The following GATA6 variants were observed in gnomAD, a reference collection of about 807,000 sequenced individuals.
The protein encoded by GATA6 is transcription factor GATA-6.
GATA6 carries 11 observed loss-of-function variants against 48.1 expected under a neutral mutation model. The observed-to-expected ratio is 0.23, with a 90% CI of 0.14 to 0.38. The LOEUF is 0.38. Among genes scored for constraint, GATA6 ranks in the 10% least tolerant of loss-of-function variants. The pLI, the probability that GATA6 is intolerant of heterozygous loss-of-function variation, is 1.00. For synonymous variants in GATA6, 419 were observed against 396.1 expected, an observed-to-expected ratio of 1.06 and a Z score of -0.69; for missense variants, 795 against 850.3, an observed-to-expected ratio of 0.93 and a Z score of 0.81.
At position 22,171,200 on chromosome 18, in the gene GATA6, C is replaced by A. The variant is rs758867858; in HGVS notation, c.56C>A (p.Ala19Glu). The change falls in exon 2 of 7, where the codon GCG becomes GAG. Residue 19 changes from alanine (A) to glutamate (E), a missense_variant. By Grantham distance (107) the Ala-to-Glu change is moderately radical. This residue lies in a region of GATA6 where 591 missense variants were observed against 570.0 expected (regional missense o/e 1.04). Transcript: ENST00000269216. The surrounding 1 kb of genome is among the most constrained non-coding windows in gnomAD (Gnocchi z 7.1). ...CLPKRFGAAG[A>E]DASDSRAFPA... is the part of the protein sequence containing the mutation. ...CCGAAGCGCTTCGGGGCCGCGGGTGCGGACGCCAGCGACTCCAGAGCCTTT... is the reference window on the plus strand; with the variant it reads ...CCGAAGCGCTTCGGGGCCGCGGGTGAGGACGCCAGCGACTCCAGAGCCTTT... 9.4e-6 allele frequency: 15 copies of A among 1,599,426 alleles called. No homozygotes were observed. In the Admixed American group the frequency reaches 1.8e-4, roughly 20 times the overall value.
In GATA6 at chr18:22,176,254, G is replaced by A. The variant is rs1393490309; in HGVS notation, c.1136-701G>A. ...AAGCAGTTGGACCCACTTCTAAATC[G>A]GGATTTTAGCATTTGATCTTTGTGG... On this transcript the variant is annotated intron_variant, in intron 2 of 6. Coordinates refer to ENST00000269216, the MANE Select transcript of GATA6 (RefSeq NM_005257.6). Among the ~76,000 whole-genome samples, 3 of 152,050 alleles carry A rather than the reference G, an allele frequency of 2.0e-5. No homozygotes were observed. In the East Asian group the frequency reaches 5.8e-4, roughly 29 times the overall value.
chr18:22,175,950 A>C, intron 2 of GATA6, among the ~76,000 whole-genome samples: 1 of 152,218 alleles, frequency 6.6e-6, no homozygotes. Context: ...GTCTATACTT[A>C]CAATAAGTAC....
intron 6 of GATA6, among the ~76,000 whole-genome samples, chr18:22,189,830 T>C (rs1344785725): frequency 6.6e-6 from 1 of 152,198 alleles, no homozygotes; most frequent in African/African-American, 2.4e-5. Context: ...AGGAAATTAG[T>C]TTCTATCAGG....
intron 2 of GATA6, chr18:22,176,393 A>C (rs2033122244): frequency 6.6e-6 from 1 of 152,254 alleles, no homozygotes; most frequent in African/African-American, 2.4e-5. Flanking sequence ...TAGTACTTTT[A>C]ATTTCACTTG....
chr18:22,177,639 A>G (rs1289486136), intron 3 of GATA6, among the ~76,000 whole-genome samples: 2 of 152,114 alleles, frequency 1.3e-5, no homozygotes, highest in Non-Finnish European at 2.9e-5. Flanking sequence ...TTGAAAAACC[A>G]TGCTCACTTA....
chr18:22,191,010 C>CA (rs1361786230), intron 6 of GATA6, among the ~76,000 whole-genome samples: 1 of 115,022 alleles, frequency 8.7e-6, no homozygotes, highest in Non-Finnish European at 1.9e-5. Context: ...TCTAGACTTC[C>CA]TTTTTTTTTT....
chr18:22,197,809 C>G (rs914110591), intron 6 of GATA6, among the ~76,000 whole-genome samples: 2 of 152,200 alleles, frequency 1.3e-5, no homozygotes, highest in Non-Finnish European at 2.9e-5. Context: ...TCTCATACTC[C>G]TGTGTGGGCT....
chr18:22,174,491 A>C (rs750381845), intron 2 of GATA6, among the ~76,000 whole-genome samples: 1 of 152,078 alleles, frequency 6.6e-6, no homozygotes, highest in African/African-American at 2.4e-5. Flanking sequence ...CAGTTAGAGG[A>C]ATTTTCTGTA....
In GATA6 at chr18:22,177,094, G is replaced by A. The variant is rs769687205; in HGVS notation, c.1275G>A (p.Arg425=). ...ACAGCAAGATGAACGGCCTCAGCCG[G>A]CCCCTCATCAAGCCGCAGAAGCGCG... is the stretch of plus-strand genomic sequence containing the variant. ...GLYSKMNGLS[R]PLIKPQKRVP... is the part of the protein sequence containing the mutation. The change falls in exon 3 of 7, where the codon CGG becomes CGA. Residue 425 remains arginine, a synonymous_variant. Transcript: ENST00000269216. 8.4e-6 allele frequency: 13 copies of A among 1,555,230 alleles called. No individual in the cohort carries two copies. In the South Asian group the frequency reaches 1.2e-4, roughly 14 times the overall value.
In GATA6 at chr18:22,171,201, G is replaced by A. The variant is rs764489452; in HGVS notation, c.57G>A (p.Ala19=). 3 of 1,599,794 alleles carry A rather than the reference G, an allele frequency of 1.9e-6. No individual in the cohort carries two copies. Among genetic ancestry groups the A allele is most frequent in the Non-Finnish European group, 2.5e-6 (3 of 1,179,510 alleles). ...CLPKRFGAAG[A]DASDSRAFPA... is the part of the protein sequence containing the mutation. Reference sequence around the variant, plus strand: ...CGAAGCGCTTCGGGGCCGCGGGTGCGGACGCCAGCGACTCCAGAGCCTTTC... The same window carrying A: ...CGAAGCGCTTCGGGGCCGCGGGTGCAGACGCCAGCGACTCCAGAGCCTTTC... The change falls in exon 2 of 7, where the codon GCG becomes GCA. Residue 19 remains alanine (A), a synonymous_variant. Coordinates refer to ENST00000269216, the MANE Select transcript of GATA6 (RefSeq NM_005257.6). The surrounding 1 kb of genome is among the most constrained non-coding windows in gnomAD (Gnocchi z 7.1).
chr18:22,192,109 C>T (rs768226163), intron 6 of GATA6, among the ~76,000 whole-genome samples: 5 of 152,208 alleles, frequency 3.3e-5, no homozygotes, highest in African/African-American at 7.2e-5. Flanking sequence ...TGGGGGTTCA[C>T]GGATTAGCAG....
rs1291672448 is a variant in GATA6, at chr18:22,170,880, C to T, written c.-37-228C>T. ...GGTGCCTTTGAGGGAGGGCTGGTAT[C>T]CCAGCCCTTCCAGGGCCCTGTGGCG... On this transcript the variant is annotated intron_variant, in intron 1 of 6. Coordinates refer to ENST00000269216, the MANE Select transcript of GATA6 (RefSeq NM_005257.6). The surrounding 1 kb of genome is among the most constrained non-coding windows in gnomAD (Gnocchi z 6.7). The T allele has an allele frequency of 9.0e-6, 5 of 553,052 alleles. No individual in the cohort carries two copies. The highest frequency in any genetic ancestry group is 4.5e-5 in the South Asian group (2 of 44,714). The allele number at this position is 553,052 out of a possible 1,614,324, so 34.3% of individuals were successfully genotyped here.
chr18:22,178,398 C>T (rs2033153526), intron 3 of GATA6, among the ~76,000 whole-genome samples: 1 of 152,206 alleles, frequency 6.6e-6, no homozygotes, highest in African/African-American at 2.4e-5. Context: ...ACCAGTCCCA[C>T]TCTAAGGTTA....
At chr18:22,184,504 T>TG (rs2033238634) in intron 6 of GATA6, among the ~76,000 whole-genome samples, 1 of 151,190 alleles carries the variant, frequency 6.6e-6, no homozygotes, top group East Asian at 1.9e-4. Context: ...TAATAATTAT[T>TG]TTTTTTTTGA....
chr18:22,189,519 C>T (rs2033303014), intron 6 of GATA6, among the ~76,000 whole-genome samples: 1 of 151,960 alleles, frequency 6.6e-6, no homozygotes, highest in African/African-American at 2.4e-5. Flanking sequence ...TGGTTGGTCA[C>T]AAAATTATAG....
At position 22,200,825 on chromosome 18, in the gene GATA6, C is replaced by T. The variant is rs776725091; in HGVS notation, c.*2C>T. The T allele has an allele frequency of 1.4e-5, 22 of 1,606,552 alleles. No homozygotes were observed. Among genetic ancestry groups the T allele is most frequent in the Admixed American group, 8.4e-5 (5 of 59,628 alleles). On this transcript the variant is annotated 3_prime_UTR_variant, in exon 7 of 7. Transcript: ENST00000269216. ...TGGTGCGCCCTGGCCCTGGCCTGAGCCCACGCCGCCAGGAGGCAGGGAGGG... is the reference window on the plus strand; with the variant it reads ...TGGTGCGCCCTGGCCCTGGCCTGAGTCCACGCCGCCAGGAGGCAGGGAGGG...
Position 22,172,302 on chromosome 18 carries a change from G to C in GATA6, c.1135+23G>C, listed in dbSNP as rs772392056. ...CAGGTAAGGGTCGCGCCTCAGGTTC[G>C]GGGTGCGGGTCCAAAGCGCTGGGGC... On this transcript the variant is annotated intron_variant, in intron 2 of 6. Transcript: ENST00000269216. This position sits in a 1 kb window ranked among gnomAD's most constrained non-coding sequence, Gnocchi z 5.2. 6.5e-7 allele frequency: 1 copy of C among 1,529,818 alleles called. No individual in the cohort carries two copies. The highest frequency in any genetic ancestry group is 1.4e-5 in the African/African-American group (1 of 72,922). The allele number at this position is 1,529,818 out of a possible 1,614,324, so 94.8% of individuals were successfully genotyped here.
chr18:22,174,018 G>A (rs570302694), intron 2 of GATA6, among the ~76,000 whole-genome samples: 1 of 152,330 alleles, frequency 6.6e-6, no homozygotes, highest in Non-Finnish European at 1.5e-5. Flanking sequence ...GGGGGACCCT[G>A]TTGAGATTTG....
intron 4 of GATA6, among the ~76,000 whole-genome samples, chr18:22,182,349 C>CTTTTTTTTT (rs34089081): frequency 1.5e-5 from 2 of 134,122 alleles, no homozygotes; most frequent in African/African-American, 2.7e-5. Flanking sequence ...ATGCCAAGTT[C>CTTTTTTTTT]TTTTTTTTTT....
Sources: allele counts gnomAD v4.1 joint callset (sites outside exome capture counted in the v4.1 genomes callset), GRCh38; gene constraint gnomAD v4.1.1; regional missense constraint gnomAD v4.1.1; non-coding constraint Gnocchi (gnomAD v3.1); transcripts MANE v1.5; gene names NCBI Gene and HGNC (gene_info 2026-07-23, HGNC 2026-07-21).